Variants in DTNA observed in about 807,000 individuals in gnomAD.
DTNA encodes dystrobrevin alpha.
DTNA carries 43 observed loss-of-function variants against 100.7 expected under a neutral mutation model. The ratio of observed to expected loss-of-function variants is 0.43; its 90% confidence interval spans 0.33 to 0.55. DTNA has a LOEUF of 0.55. Among genes scored for constraint, DTNA ranks in the 20% least tolerant of loss-of-function variants. The probability of loss-of-function intolerance (pLI) is 0.04; values close to 1 mark genes in which losing one functional copy is unlikely to be tolerated. For synonymous variants in DTNA, 349 were observed against 347.9 expected, an observed-to-expected ratio of 1.00 and a Z score of -0.04; for missense variants, 798 against 953.9, an observed-to-expected ratio of 0.84 and a Z score of 2.15.
chr18:34,748,424 A>G (rs1373145621), intron 1 of DTNA, among the ~76,000 whole-genome samples: 1 of 152,144 alleles, frequency 6.6e-6, no homozygotes, highest in Admixed American at 6.6e-5. Flanking sequence ...ATCTTCTAGA[A>G]GTTTTATGGT....
intron 1 of DTNA, among the ~76,000 whole-genome samples, chr18:34,556,918 G>T (rs1054488920): frequency 6.8e-6 from 1 of 147,940 alleles, no homozygotes; most frequent in Admixed American, 6.6e-5. Context: ...ACATTGGCCT[G>T]CCTTGCTAGA....
intron 1 of DTNA, among the ~76,000 whole-genome samples, chr18:34,579,225 T>C (rs1157622531): frequency 6.6e-6 from 1 of 152,196 alleles, no homozygotes; most frequent in Non-Finnish European, 1.5e-5. Flanking sequence ...TATTTACTTA[T>C]AGGTAACGAC....
At chr18:34,578,176 G>A (rs951660571) in intron 1 of DTNA, among the ~76,000 whole-genome samples, 3 of 151,894 alleles carry the variant, frequency 2.0e-5, no homozygotes, top group African/African-American at 7.3e-5. Context: ...TCTTGCAGGA[G>A]TAAGGTGGTA....
chr18:34,688,123 A>T (rs2079175864), intron 1 of DTNA, among the ~76,000 whole-genome samples: 1 of 152,050 alleles, frequency 6.6e-6, no homozygotes, highest in South Asian at 2.1e-4. Context: ...TTTTCATTGG[A>T]GCATTTAGCC....
rs2096879690 is a variant in DTNA at position 34,882,217 on chromosome 18, C to A, written c.2295+16C>A. The A allele has an allele frequency of 1.2e-6, 2 of 1,612,924 alleles. No individual in the cohort carries two copies. The highest frequency in any genetic ancestry group is 8.5e-7 in the Non-Finnish European group (1 of 1,179,434). On this transcript the variant is annotated intron_variant, in intron 21 of 22. Transcript: ENST00000444659. ...AGCTTATCAGGTACAGGGATCCAGGCCCACCCCACCCCACCTCTTCTGCCT... is the reference window on the plus strand; with the variant it reads ...AGCTTATCAGGTACAGGGATCCAGGACCACCCCACCCCACCTCTTCTGCCT...
At chr18:34,680,885 C>T (rs980723911) in intron 1 of DTNA, among the ~76,000 whole-genome samples, 11 of 152,170 alleles carry the variant, frequency 7.2e-5, no homozygotes, top group African/African-American at 2.7e-4. Context: ...CCTTGCCCTG[C>T]CCTGCCTCTC....
intron 1 of DTNA, among the ~76,000 whole-genome samples, chr18:34,671,772 T>TTTCTA (rs1327572599): frequency 2.0e-5 from 3 of 152,188 alleles, no homozygotes; most frequent in Non-Finnish European, 4.4e-5. Flanking sequence ...CCTTCCTTCT[T>TTTCTA]TTCTAATTGA....
chr18:34,717,247 T>C (rs2084249572), intron 1 of DTNA, among the ~76,000 whole-genome samples: 1 of 152,364 alleles, frequency 6.6e-6, no homozygotes, highest in Admixed American at 6.5e-5. Flanking sequence ...AAATCTTATT[T>C]AATGCTAAGT....
intron 1 of DTNA, among the ~76,000 whole-genome samples, chr18:34,604,035 A>T (rs1334015371): frequency 1.3e-5 from 2 of 152,204 alleles, no homozygotes; most frequent in Non-Finnish European, 2.9e-5. Context: ...GTTCCTAAAT[A>T]TGTGTTATAG....
At chr18:34,736,853 C>A (rs1343196732) in intron 1 of DTNA, among the ~76,000 whole-genome samples, 1 of 152,146 alleles carries the variant, frequency 6.6e-6, no homozygotes, top group Non-Finnish European at 1.5e-5. Context: ...AATAGTCTGT[C>A]TTGTTCTAGA....
intron 3 of DTNA, among the ~76,000 whole-genome samples, chr18:34,779,047 A>G (rs1368975684): frequency 6.6e-6 from 1 of 152,018 alleles, no homozygotes; most frequent in Non-Finnish European, 1.5e-5. Context: ...AGTATTTTTA[A>G]AAATCATTCT....
At chr18:34,807,311 A>G (rs147509465) in intron 5 of DTNA, among the ~76,000 whole-genome samples, 3 of 152,312 alleles carry the variant, frequency 2.0e-5, no homozygotes, top group African/African-American at 7.2e-5. Flanking sequence ...AAGCCCAGCT[A>G]TGTGACTAAT....
At chr18:34,775,717 A>G (rs1197030170) in intron 3 of DTNA, among the ~76,000 whole-genome samples, 1 of 152,222 alleles carries the variant, frequency 6.6e-6, no homozygotes, top group East Asian at 1.9e-4. Flanking sequence ...CTGTGCTAAC[A>G]AATGTCTTGA....
intron 1 of DTNA, among the ~76,000 whole-genome samples, chr18:34,748,751 T>G (rs2091966943): frequency 1.3e-5 from 2 of 152,250 alleles, no homozygotes; most frequent in African/African-American, 4.8e-5. Context: ...ATACCTCCAT[T>G]TGTTCTTTTT....
intron 1 of DTNA, among the ~76,000 whole-genome samples, chr18:34,539,817 G>A (rs1417492059): frequency 2.0e-5 from 3 of 151,570 alleles, no homozygotes; most frequent in Admixed American, 1.3e-4. Context: ...GTTTTTTTCA[G>A]TTGCAATATA....
At chr18:34,829,059 T>G in intron 10 of DTNA, 1 of 1,614,158 alleles carries the variant, frequency 6.2e-7, no homozygotes, top group Non-Finnish European at 8.5e-7. Context: ...GTGCTTTTGG[T>G]GGATGCGTCT....
In DTNA at chr18:34,888,336, T is replaced by C; in HGVS notation, c.*602T>C. On this transcript the variant is annotated 3_prime_UTR_variant, in exon 23 of 23. Transcript: ENST00000444659. The stretch of plus-strand genomic sequence containing the variant: ...CAATAACCCTGAAGAATTTGGTTCC[T>C]GAGTGTACAAACTCAGAGCCCGGAA... The C allele has an allele frequency of 9.1e-6, 9 of 985,858 alleles. No individual in the cohort carries two copies. The highest frequency in any genetic ancestry group is 1.1e-5 in the Non-Finnish European group (9 of 829,936). 61.1% of individuals were successfully genotyped at this position (985,858 alleles called of 1,614,324 possible). A position where few individuals can be genotyped will look rare whatever the true frequency, so the allele number is the denominator to read the frequency against.
intron 7 of DTNA, 143 bp downstream of exon 7, chr18:34,816,157 C>T: frequency 2.5e-6 from 2 of 791,994 alleles, no homozygotes; most frequent in Non-Finnish European, 4.2e-6. Context: ...ACTAACCCAT[C>T]TCCCTGTTCG....
intron 1 of DTNA, among the ~76,000 whole-genome samples, chr18:34,636,326 G>A (rs945945211): frequency 6.6e-6 from 1 of 152,098 alleles, no homozygotes; most frequent in African/African-American, 2.4e-5. Context: ...CATTGATCAG[G>A]CTGGTCTCGA....
Sources: allele counts gnomAD v4.1 joint callset (sites outside exome capture counted in the v4.1 genomes callset), GRCh38; gene constraint gnomAD v4.1.1; transcripts MANE v1.5; gene names NCBI Gene and HGNC (gene_info 2026-07-23, HGNC 2026-07-21).